Variants in KCNMB2 observed in about 807,000 individuals in gnomAD.
The protein encoded by KCNMB2 is calcium-activated potassium channel subunit beta-2.
Under a neutral mutation model 24.5 loss-of-function variants are expected in KCNMB2, and 9 were observed. The ratio of observed to expected loss-of-function variants is 0.37; its 90% CI spans 0.22 to 0.64. The LOEUF (loss-of-function observed/expected upper bound fraction) is 0.64, where lower values mean the gene tolerates loss of function less well. Among genes scored for constraint, KCNMB2 ranks in the 30% least tolerant of loss-of-function variants. The pLI is 0.63. For synonymous variants in KCNMB2, 109 were observed against 104.4 expected, an observed-to-expected ratio of 1.04 and a Z score of -0.27; for missense variants, 226 against 284.3, an observed-to-expected ratio of 0.79 and a Z score of 1.47.
intron 1 of KCNMB2, among the ~76,000 whole-genome samples, chr3:178,615,269 C>T (rs1427407305): frequency 6.6e-6 from 1 of 152,284 alleles, no homozygotes; most frequent in Non-Finnish European, 1.5e-5. Flanking sequence ...TGTAACCATT[C>T]CCTGGCTACT....
chr3:178,679,270 A>G (rs1250526494), intron 1 of KCNMB2, among the ~76,000 whole-genome samples: 1 of 151,750 alleles, frequency 6.6e-6, no homozygotes, highest in Non-Finnish European at 1.5e-5. Context: ...TTGGTCTGTC[A>G]CCCAGGCTGG....
intron 1 of KCNMB2, among the ~76,000 whole-genome samples, chr3:178,568,723 G>A (rs184068651): frequency 6.6e-6 from 1 of 152,050 alleles, no homozygotes; most frequent in Admixed American, 6.6e-5. Context: ...TACCTGGAAT[G>A]TGTAGAGAAA....
At chr3:178,713,760 A>G (rs897053795) in intron 1 of KCNMB2, among the ~76,000 whole-genome samples, 2 of 152,182 alleles carry the variant, frequency 1.3e-5, no homozygotes, top group Admixed American at 1.3e-4. Context: ...CCACCTTCAC[A>G]TGGTCTATCT....
chr3:178,715,019 T>G (rs577914632), intron 1 of KCNMB2, among the ~76,000 whole-genome samples: 3 of 152,322 alleles, frequency 2.0e-5, no homozygotes, highest in Admixed American at 1.3e-4. Context: ...ATCTGACCAC[T>G]TTGTTTATTT....
intron 2 of KCNMB2, among the ~76,000 whole-genome samples, chr3:178,823,448 C>T (rs1191362751): frequency 6.6e-6 from 1 of 152,220 alleles, no homozygotes; most frequent in Non-Finnish European, 1.5e-5. Flanking sequence ...TCTCCTACTA[C>T]AATGGGCTCA....
intron 1 of KCNMB2, among the ~76,000 whole-genome samples, chr3:178,635,405 G>GCACACACA (rs1250487896): frequency 6.3e-5 from 7 of 110,308 alleles, no homozygotes; most frequent in Non-Finnish European, 1.3e-4. Context: ...AGGTGCTTAT[G>GCACACACA]CATACACACA....
intron 1 of KCNMB2, among the ~76,000 whole-genome samples, chr3:178,652,278 T>C (rs1187381697): frequency 1.3e-5 from 2 of 151,912 alleles, no homozygotes; most frequent in African/African-American, 2.4e-5. Context: ...TGAGAACACA[T>C]GGACACAGGG....
At chr3:178,745,012 G>T (rs996251743) in intron 1 of KCNMB2, among the ~76,000 whole-genome samples, 2 of 152,192 alleles carry the variant, frequency 1.3e-5, no homozygotes, top group Admixed American at 1.3e-4. Flanking sequence ...AAACCTGTAT[G>T]TGCCTCAGTT....
intron 1 of KCNMB2, among the ~76,000 whole-genome samples, chr3:178,618,096 T>C (rs978684194): frequency 2.0e-4 from 31 of 152,112 alleles, no homozygotes; most frequent in Admixed American, 2.0e-3. Flanking sequence ...CTATAGGCAG[T>C]ATATAAGCAA....
intron 1 of KCNMB2, among the ~76,000 whole-genome samples, chr3:178,576,361 C>G (rs985409288): frequency 6.6e-6 from 1 of 152,166 alleles, no homozygotes; most frequent in Non-Finnish European, 1.5e-5. Flanking sequence ...CCAGGACATT[C>G]CCTTGGGTGC....
intron 1 of KCNMB2, among the ~76,000 whole-genome samples, chr3:178,679,031 TG>T (rs1721171547): frequency 7.3e-6 from 1 of 137,110 alleles, no homozygotes; most frequent in East Asian, 2.0e-4. Context: ...AGTTTTTTTT[TG>T]TTTGTTTGTT....
chr3:178,562,241 G>A (rs1716345220), intron 1 of KCNMB2, among the ~76,000 whole-genome samples: 1 of 152,190 alleles, frequency 6.6e-6, no homozygotes, highest in Non-Finnish European at 1.5e-5. Context: ...ATATGTTTTG[G>A]TTATGCAATC....
At chr3:178,659,185 A>G (rs1400847846) in intron 1 of KCNMB2, among the ~76,000 whole-genome samples, 1 of 152,260 alleles carries the variant, frequency 6.6e-6, no homozygotes, top group Non-Finnish European at 1.5e-5. Context: ...TCCAGAATGG[A>G]GGCCAGATCC....
chr3:178,739,671 T>C (rs527689228), intron 1 of KCNMB2, among the ~76,000 whole-genome samples: 1 of 152,294 alleles, frequency 6.6e-6, no homozygotes, highest in South Asian at 2.1e-4. Flanking sequence ...AACAGTGTGC[T>C]ATTGAAACAT....
At chr3:178,586,857 CT>C (rs1717458805) in intron 1 of KCNMB2, among the ~76,000 whole-genome samples, 1 of 151,938 alleles carries the variant, frequency 6.6e-6, no homozygotes, top group Non-Finnish European at 1.5e-5. Flanking sequence ...AAATGCCAAT[CT>C]TTTCTCTTGT....
At chr3:178,708,797 T>G (rs1331218403) in intron 1 of KCNMB2, among the ~76,000 whole-genome samples, 1 of 152,172 alleles carries the variant, frequency 6.6e-6, no homozygotes, top group Non-Finnish European at 1.5e-5. Context: ...TAACTTCAAA[T>G]GTAGTCATTC....
chr3:178,547,879 A>G (rs1715824753), intron 1 of KCNMB2, among the ~76,000 whole-genome samples: 1 of 152,194 alleles, frequency 6.6e-6, no homozygotes, highest in Non-Finnish European at 1.5e-5. Flanking sequence ...ACTTGGCAAA[A>G]TTAAACTCTT....
chr3:178,656,649 T>A (rs1458167343), intron 1 of KCNMB2, among the ~76,000 whole-genome samples: 1 of 151,924 alleles, frequency 6.6e-6, no homozygotes, highest in East Asian at 1.9e-4. Context: ...GGTGGGTGCC[T>A]GTAATCCCAG....
chr3:178,626,609 T>C (rs1216300412), intron 1 of KCNMB2, among the ~76,000 whole-genome samples: 1 of 152,014 alleles, frequency 6.6e-6, no homozygotes, highest in African/African-American at 2.4e-5. Context: ...TGCAGTGAAG[T>C]GGGAAGAGCC....
Sources: allele counts gnomAD v4.1 joint callset (sites outside exome capture counted in the v4.1 genomes callset), GRCh38; gene constraint gnomAD v4.1.1; transcripts MANE v1.5; gene names NCBI Gene and HGNC (gene_info 2026-07-23, HGNC 2026-07-21).